Variants in MACROD2 observed in about 807,000 individuals in gnomAD.
MACROD2 encodes mono-ADP ribosylhydrolase 2.
A neutral mutation model predicts 70.4 loss-of-function variants in MACROD2; 36 were observed. That is an observed-to-expected ratio of 0.51 (90% CI 0.39 to 0.68). The LOEUF (loss-of-function observed/expected upper bound fraction) is 0.68. Among genes scored for constraint, MACROD2 ranks in the 30% least tolerant of loss-of-function variants. MACROD2 has a pLI of 0.00. For missense variants in MACROD2, 496 were observed against 538.4 expected (o/e 0.92, Z 0.78); for synonymous variants, 172 against 178.8 (o/e 0.96, Z 0.30).
intron 3 of MACROD2, among the ~76,000 whole-genome samples, chr20:14,371,615 C>A (rs4814295): frequency 0.15 from 22,846 of 152,024 alleles, 2,197 homozygotes; most frequent in South Asian, 0.33. Flanking sequence ...TAGTTGACCT[C>A]AATTTACATA....
intron 8 of MACROD2, among the ~76,000 whole-genome samples, chr20:15,615,579 G>T (rs1409122252): frequency 6.6e-6 from 1 of 152,092 alleles, no homozygotes; most frequent in Non-Finnish European, 1.5e-5. Context: ...AGCAGCACAA[G>T]AACCCAGACC....
intron 6 of MACROD2, among the ~76,000 whole-genome samples, chr20:15,301,900 A>C (rs967093473): frequency 6.6e-6 from 1 of 152,106 alleles, no homozygotes; most frequent in East Asian, 1.9e-4. Flanking sequence ...TGTGCAAAGG[A>C]TGTCTTAAAC....
rs2067448386 is a variant in MACROD2, at chr20:16,050,780, CTG to C, written c.*907_*908del. The stretch of plus-strand genomic sequence containing the variant: ...ATATCAAAAGCTCCTCCTGAAATTG[CTG>C]TGAGTTTTCCATAAAAGAATATCCT... On this transcript the variant is annotated 3_prime_UTR_variant, in exon 18 of 18. Transcript: ENST00000684519. 1 of 152,248 alleles carries C rather than the reference CTG, an allele frequency of 6.6e-6. No individual in the cohort carries two copies. Among genetic ancestry groups the C allele is most frequent in the African/African-American group, 2.4e-5 (1 of 41,462 alleles). 9.4% of individuals were successfully genotyped at this position (152,248 alleles called of 1,614,324 possible).
At position 15,635,090 on chromosome 20, in the gene MACROD2, C is replaced by G. The variant is rs1235597710; in HGVS notation, c.645+135243C>G. On this transcript the variant is annotated intron_variant, in intron 8 of 17. Transcript: ENST00000684519. ...TTGTTCAGAGTGAGGCTCCTGACTC[C>G]TGATCTACCATGCTGTCTAGGAATT... 2.0e-5 allele frequency among the ~76,000 whole-genome samples: 3 copies of G among 152,302 alleles called. No homozygotes were observed. In the East Asian group the frequency reaches 5.8e-4, roughly 29 times the overall value.
At chr20:14,985,561 T>A (rs1321462532) in intron 5 of MACROD2, among the ~76,000 whole-genome samples, 1 of 152,114 alleles carries the variant, frequency 6.6e-6, no homozygotes, top group Non-Finnish European at 1.5e-5. Flanking sequence ...AAGGCTAACC[T>A]TCCAAAGGAA....
chr20:15,230,615 T>C (rs2076951880), intron 6 of MACROD2, among the ~76,000 whole-genome samples: 1 of 152,200 alleles, frequency 6.6e-6, no homozygotes. Context: ...ACTAATATTC[T>C]GTAGGTGGTA....
chr20:15,321,397 GC>G (rs1160665526), intron 6 of MACROD2, among the ~76,000 whole-genome samples: 1 of 143,952 alleles, frequency 6.9e-6, no homozygotes, highest in East Asian at 2.0e-4. Flanking sequence ...CACTGAGCAG[GC>G]CCATAAACTC....
Position 15,986,817 on chromosome 20 carries a change from T to C in MACROD2, c.1060+16T>C. ...GAAACAGAAGGTACTGAAACCAAAA[T>C]ATATTGTTATCAGAGAATGAGATGA... is the stretch of plus-strand genomic sequence containing the variant. On this transcript the variant is annotated intron_variant, in intron 14 of 17. Coordinates refer to ENST00000684519, the MANE Select transcript of MACROD2 (RefSeq NM_001351661.2). 6.3e-7 allele frequency: 1 copy of C among 1,575,584 alleles called. No homozygotes were observed. Among genetic ancestry groups the C allele is most frequent in the South Asian group, 1.1e-5 (1 of 89,966 alleles).
chr20:15,653,314 A>C (rs1369381507), intron 8 of MACROD2, among the ~76,000 whole-genome samples: 1 of 152,250 alleles, frequency 6.6e-6, no homozygotes, highest in Non-Finnish European at 1.5e-5. Context: ...TGAGAAGCAC[A>C]TGATTTCTAT....
chr20:15,676,038 T>C (rs886293514), intron 8 of MACROD2, among the ~76,000 whole-genome samples: 4 of 152,224 alleles, frequency 2.6e-5, no homozygotes, highest in African/African-American at 9.6e-5. Context: ...TGTTATACAA[T>C]GAAGGAAGCA....
intron 8 of MACROD2, among the ~76,000 whole-genome samples, chr20:15,663,934 G>A (rs2049859954): frequency 6.6e-6 from 1 of 152,186 alleles, no homozygotes; most frequent in African/African-American, 2.4e-5. Flanking sequence ...ACAGTGGTGT[G>A]TATAATGATA....
chr20:14,980,716 C>A (rs1379057758), intron 5 of MACROD2, among the ~76,000 whole-genome samples: 1 of 152,152 alleles, frequency 6.6e-6, no homozygotes, highest in Non-Finnish European at 1.5e-5. Context: ...TACTCAGTAA[C>A]TGGTTGCCAT....
intron 5 of MACROD2, among the ~76,000 whole-genome samples, chr20:15,106,503 C>T (rs2075911596): frequency 6.6e-6 from 1 of 152,146 alleles, no homozygotes; most frequent in Non-Finnish European, 1.5e-5. Flanking sequence ...AAAAAATACT[C>T]TCCTGGCATT....
intron 2 of MACROD2, among the ~76,000 whole-genome samples, chr20:14,066,691 A>G (rs938739324): frequency 2.0e-5 from 3 of 152,088 alleles, no homozygotes; most frequent in African/African-American, 4.8e-5. Context: ...TTTTGTGCAA[A>G]TGTTCATTGC....
At chr20:14,027,906 G>A (rs2148629503) in intron 2 of MACROD2, among the ~76,000 whole-genome samples, 1 of 152,342 alleles carries the variant, frequency 6.6e-6, no homozygotes, top group Non-Finnish European at 1.5e-5. Flanking sequence ...ACCCACTTGA[G>A]GAGGCAGTCT....
At chr20:15,413,137 C>A (rs964089413) in intron 6 of MACROD2, among the ~76,000 whole-genome samples, 1 of 152,178 alleles carries the variant, frequency 6.6e-6, no homozygotes, top group Non-Finnish European at 1.5e-5. Context: ...GCACAGCCAC[C>A]ATCACATCAA....
At chr20:14,815,623 T>C (rs563285526) in intron 5 of MACROD2, among the ~76,000 whole-genome samples, 6 of 152,184 alleles carry the variant, frequency 3.9e-5, no homozygotes, top group Admixed American at 3.9e-4. Context: ...TGTAGCTAAA[T>C]ACTAGGCTAA....
intron 4 of MACROD2, among the ~76,000 whole-genome samples, chr20:14,631,509 G>A (rs1252535756): frequency 6.6e-6 from 1 of 152,154 alleles, no homozygotes; most frequent in Admixed American, 6.6e-5. Flanking sequence ...GGTGGCTTAC[G>A]CCTGTAATCC....
intron 5 of MACROD2, among the ~76,000 whole-genome samples, chr20:14,891,758 G>A (rs963645498): frequency 3.8e-4 from 58 of 152,000 alleles, no homozygotes; most frequent in African/African-American, 1.4e-3. Context: ...AAATTCAGTA[G>A]CAAAAAAAGA....
Sources: allele counts gnomAD v4.1 joint callset (sites outside exome capture counted in the v4.1 genomes callset), GRCh38; gene constraint gnomAD v4.1.1; transcripts MANE v1.5; gene names NCBI Gene and HGNC (gene_info 2026-07-23, HGNC 2026-07-21).